Variants in RABGAP1L observed in about 807,000 individuals in gnomAD.
RABGAP1L encodes the protein rab GTPase-activating protein 1-like.
Under a neutral mutation model 137.7 loss-of-function variants are expected in RABGAP1L, and 63 were observed. That is an observed-to-expected ratio of 0.46 (90% CI 0.37 to 0.56). RABGAP1L has a LOEUF of 0.56. Among genes scored for constraint, RABGAP1L ranks in the 20% least tolerant of loss-of-function variants. The pLI is 0.00. For synonymous variants in RABGAP1L, 431 were observed against 433.7 expected (o/e 0.99, Z 0.08); for missense variants, 1,095 against 1,244.0 (o/e 0.88, Z 1.80).
chr1:174,347,441 A>T (rs1458757328), intron 11 of RABGAP1L, among the ~76,000 whole-genome samples: 4 of 148,790 alleles, frequency 2.7e-5, no homozygotes, highest in African/African-American at 9.9e-5. Context: ...TGCTGAATTG[A>T]CCCCTTTATC....
rs183307282 is a variant in RABGAP1L at position 174,256,632 on chromosome 1, T to C, written c.986+4042T>C. ...CCCGTCTCTACTAAAAATATAAAAA[T>C]TAGCTGGGCGTGGTGGCGGGTGCCA... On this transcript the variant is annotated intron_variant, in intron 7 of 25. Transcript: ENST00000681986. Among the ~76,000 whole-genome samples the C allele has an allele frequency of 1.6e-4, 25 of 152,180 alleles. No homozygotes were observed. The East Asian group carries it at 1.7e-3, about 11-fold the overall frequency.
Position 174,278,698 on chromosome 1 carries a change from C to T in RABGAP1L, c.1242C>T (p.Val414=). The T allele has an allele frequency of 1.9e-6, 3 of 1,600,366 alleles. No homozygotes were observed. The African/African-American group carries it at 4.1e-5, about 22-fold the overall frequency. Residue 414 remains valine (V), a synonymous_variant, in exon 10 of 26, where the codon GTC becomes GTT. Coordinates refer to ENST00000681986, the MANE Select transcript of RABGAP1L (RefSeq NM_001366446.1). The part of the protein sequence containing the change: ...EPVRFLLETV[V]RVYPANERFW... ...TTCGCTTTCTCCTGGAGACAGTAGT[C>T]CGTGTGTACCCTGCAAATGAGCGAT...
At position 174,976,085 on chromosome 1, in the gene RABGAP1L, A is replaced by G; in HGVS notation, c.2552A>G (p.Asp851Gly). The G allele has an allele frequency of 6.4e-7, 1 of 1,550,912 alleles. No individual in the cohort carries two copies. The highest frequency in any genetic ancestry group is 8.7e-7 in the Non-Finnish European group (1 of 1,146,904). Residue 851 changes from aspartate (D) to glycine (G), a missense_variant, in exon 22 of 26, where the codon GAC becomes GGC. Asp to Gly is a moderately conservative substitution (Grantham distance 94). This residue lies in a region of RABGAP1L where 312 missense variants were observed against 435.6 expected (regional missense o/e 0.72). Transcript: ENST00000681986. ...ATGCACCATGATTTGCAGGCAGAAG[A>G]CAAGGCAGATGTGTTGAATAAAGAG... ...ALRNDLDQAE[D>G]KADVLNKELL...
intron 12 of RABGAP1L, among the ~76,000 whole-genome samples, chr1:174,380,927 G>A (rs1686079853): frequency 7.6e-6 from 1 of 131,430 alleles, no homozygotes; most frequent in Non-Finnish European, 1.6e-5. Context: ...TGGGCATTTA[G>A]TGCTATAAAT....
chr1:174,383,797 G>A (rs1031965738), intron 12 of RABGAP1L, among the ~76,000 whole-genome samples: 3 of 152,088 alleles, frequency 2.0e-5, no homozygotes, highest in Non-Finnish European at 4.4e-5. Context: ...TTCCTATTCG[G>A]CCATCTTGGC....
intron 20 of RABGAP1L, among the ~76,000 whole-genome samples, chr1:174,968,018 T>C (rs1318679627): frequency 6.6e-6 from 1 of 152,034 alleles, no homozygotes; most frequent in African/African-American, 2.4e-5. Context: ...CAGCCTTCCC[T>C]GTTTATGGAT....
In RABGAP1L at chr1:174,312,954, A is replaced by G. The variant is rs562550137; in HGVS notation, c.1465+7827A>G. ...GTTCTCTCTTCAGTTCCATTGGTCTATGTGTCTGTTTTTATGCCAGTCCCA... is the reference window on the plus strand; with the variant it reads ...GTTCTCTCTTCAGTTCCATTGGTCTGTGTGTCTGTTTTTATGCCAGTCCCA... On this transcript the variant is annotated intron_variant, in intron 11 of 25. Transcript: ENST00000681986. 3.3e-5 allele frequency among the ~76,000 whole-genome samples: 5 copies of G among 152,216 alleles called. No individual in the cohort carries two copies. In the South Asian group the frequency reaches 1.0e-3, roughly 32 times the overall value.
intron 22 of RABGAP1L, among the ~76,000 whole-genome samples, chr1:174,978,117 T>C (rs946556062): frequency 2.0e-5 from 3 of 152,190 alleles, no homozygotes; most frequent in Non-Finnish European, 4.4e-5. Context: ...GCACCTGAGC[T>C]TTTCCATCAC....
intron 18 of RABGAP1L, among the ~76,000 whole-genome samples, chr1:174,799,231 A>G (rs1688514361): frequency 6.6e-6 from 1 of 152,210 alleles, no homozygotes. Flanking sequence ...CAGCCTTCCC[A>G]GAATCCTGAA....
intron 13 of RABGAP1L, among the ~76,000 whole-genome samples, chr1:174,550,983 CATATATATATATACACATAT>C (rs1217878758): frequency 1.2e-4 from 10 of 83,424 alleles, no homozygotes; most frequent in African/African-American, 9.8e-4. Flanking sequence ...TGTATATATA[CATATATATATATACACATAT>C]ATATATATAT....
intron 19 of RABGAP1L, among the ~76,000 whole-genome samples, chr1:174,850,911 G>A (rs1364559648): frequency 6.6e-6 from 1 of 152,224 alleles, no homozygotes; most frequent in African/African-American, 2.4e-5. Flanking sequence ...GACCACTTGA[G>A]AAAGAAGGCA....
At chr1:174,165,855 AG>A (rs1173667987) in intron 1 of RABGAP1L, among the ~76,000 whole-genome samples, 1 of 152,214 alleles carries the variant, frequency 6.6e-6, no homozygotes, top group Non-Finnish European at 1.5e-5. Flanking sequence ...TAGGACAACT[AG>A]TATGAGAGAA....
chr1:174,181,658 A>G (rs1479035330), intron 1 of RABGAP1L, among the ~76,000 whole-genome samples: 1 of 152,154 alleles, frequency 6.6e-6, no homozygotes. Flanking sequence ...CTTGAGCATC[A>G]TCTGTGGATT....
intron 10 of RABGAP1L, among the ~76,000 whole-genome samples, chr1:174,292,655 T>A (rs1431884949): frequency 6.6e-6 from 1 of 152,124 alleles, no homozygotes; most frequent in Non-Finnish European, 1.5e-5. Context: ...TTCAGACTTA[T>A]TTTATGACTC....
At chr1:174,656,097 C>A (rs1572702998) in intron 14 of RABGAP1L, among the ~76,000 whole-genome samples, 1 of 151,810 alleles carries the variant, frequency 6.6e-6, no homozygotes, top group African/African-American at 2.4e-5. Context: ...TGTGTGCATA[C>A]AAACATGTAT....
intron 19 of RABGAP1L, among the ~76,000 whole-genome samples, chr1:174,906,267 A>G (rs752648004): frequency 1.3e-5 from 2 of 151,848 alleles, no homozygotes; most frequent in African/African-American, 4.8e-5. Flanking sequence ...GATCCACCCA[A>G]TTCAACCTCC....
chr1:174,408,080 T>C (rs929001686), intron 13 of RABGAP1L, among the ~76,000 whole-genome samples: 1 of 152,198 alleles, frequency 6.6e-6, no homozygotes, highest in African/African-American at 2.4e-5. Context: ...TTTTCAAATT[T>C]TATTTTAGAT....
At chr1:174,735,989 G>A (rs539932434) in intron 17 of RABGAP1L, among the ~76,000 whole-genome samples, 2 of 152,268 alleles carry the variant, frequency 1.3e-5, no homozygotes, top group Non-Finnish European at 2.9e-5. Context: ...GAGATTTGGC[G>A]AGGATGAATA....
rs1669731491 is a variant in RABGAP1L, at chr1:174,221,229, A to G, written c.331+65A>G. 5.4e-6 allele frequency: 7 copies of G among 1,288,768 alleles called. No homozygotes were observed. The East Asian group carries it at 1.6e-4, about 29-fold the overall frequency. The allele number at this position is 1,288,768 out of a possible 1,614,324, so 79.8% of individuals were successfully genotyped here. A position where few individuals can be genotyped will look rare whatever the true frequency, so the allele number is the denominator to read the frequency against. On this transcript the variant is annotated intron_variant, in intron 3 of 25. Coordinates refer to ENST00000681986, the MANE Select transcript of RABGAP1L (RefSeq NM_001366446.1). Reference sequence around the variant, plus strand: ...ATAAAGTAATAGTGAAAATTTTAAGATGAAAATCAGAAAAAATTGTTAGCT... The same window carrying G: ...ATAAAGTAATAGTGAAAATTTTAAGGTGAAAATCAGAAAAAATTGTTAGCT...
Sources: allele counts gnomAD v4.1 joint callset (sites outside exome capture counted in the v4.1 genomes callset), GRCh38; gene constraint gnomAD v4.1.1; regional missense constraint gnomAD v4.1.1; transcripts MANE v1.5; gene names NCBI Gene and HGNC (gene_info 2026-07-23, HGNC 2026-07-21).